UGT2B28: variants seen among roughly 807,000 people sequenced by gnomAD.
UGT2B28 encodes UDP-glucuronosyltransferase 2B28.
In UGT2B28, 45 loss-of-function variants were observed where a neutral mutation model predicts 43.6. That is an observed-to-expected ratio of 1.03 (90% CI 0.81 to 1.32). The LOEUF is 1.32. Among genes scored for constraint, UGT2B28 ranks in the 40% most tolerant of loss-of-function variants. The pLI is 0.00. For synonymous variants in UGT2B28, 204 were observed against 208.1 expected (o/e 0.98, Z 0.17); for missense variants, 649 against 625.5 (o/e 1.04, Z -0.40).
Position 69,285,093 on chromosome 4 carries a change from GATAAT to G in UGT2B28, c.871-1656_871-1652del, listed in dbSNP as rs548526875. Among the ~76,000 whole-genome samples the G allele has an allele frequency of 2.8e-3, 392 of 139,424 alleles. 87 individuals carry two copies. Among genetic ancestry groups the G allele is most frequent in the African/African-American group, 0.011 (383 of 35,652 alleles). The allele number at this position is 139,424 out of a possible 152,430, so 91.5% of individuals were successfully genotyped here. On this transcript the variant is annotated intron_variant, in intron 2 of 5. Coordinates refer to ENST00000335568, the MANE Select transcript of UGT2B28 (RefSeq NM_053039.2). ...CAATTACACCATCAGCCATAGTACA[GATAAT>G]ATGAGTTAGAAAATGATAAATATAA...
intron 3 of UGT2B28, among the ~76,000 whole-genome samples, chr4:69,289,218 GC>G (rs1160953769): frequency 2.9e-5 from 4 of 139,494 alleles, no homozygotes; most frequent in Non-Finnish European, 6.1e-5. Flanking sequence ...CAGAGTATAA[GC>G]ATTCCTTTTC....
intron 2 of UGT2B28, among the ~76,000 whole-genome samples, chr4:69,284,364 T>A (rs376596296): frequency 7.1e-6 from 1 of 140,924 alleles, no homozygotes; most frequent in Non-Finnish European, 1.5e-5. Context: ...ATGTACAAAG[T>A]AAGCCTTCTT....
chr4:69,285,004 TGAAA>T (rs946722705), intron 2 of UGT2B28, among the ~76,000 whole-genome samples: 1 of 140,030 alleles, frequency 7.1e-6, no homozygotes, highest in Non-Finnish European at 1.5e-5. Context: ...ACATCTTACA[TGAAA>T]GAATGATTAA....
At chr4:69,292,426 A>G (rs1723981127) in intron 5 of UGT2B28, among the ~76,000 whole-genome samples, 1 of 140,748 alleles carries the variant, frequency 7.1e-6, no homozygotes. Context: ...AGAAGATGGG[A>G]AATAATTGAA....
chr4:69,286,983 A>G lies in UGT2B28; in HGVS notation c.1002+100A>G, dbSNP rs1206137119. The G allele has an allele frequency of 2.0e-4, 302 of 1,474,126 alleles. 45 individuals are homozygous for G. Among genetic ancestry groups the G allele is most frequent in the Non-Finnish European group, 2.5e-4 (283 of 1,112,770 alleles). The allele number at this position is 1,474,126 out of a possible 1,614,324, so 91.3% of individuals were successfully genotyped here. On this transcript the variant is annotated intron_variant, in intron 3 of 5. Coordinates refer to ENST00000335568, the MANE Select transcript of UGT2B28 (RefSeq NM_053039.2). ...ATATTAAGGCTAGACTGAACTCTTT[A>G]CAGCCAAATACAGTCTTAAATATCT...
intron 2 of UGT2B28, among the ~76,000 whole-genome samples, chr4:69,283,044 C>A (rs1295813686): frequency 7.1e-6 from 1 of 140,322 alleles, no homozygotes; most frequent in Non-Finnish European, 1.5e-5. Context: ...TTACATTCTA[C>A]TTTGAAATAT....
intron 2 of UGT2B28, among the ~76,000 whole-genome samples, chr4:69,284,514 G>C (rs1723712458): frequency 7.1e-6 from 1 of 140,058 alleles, no homozygotes; most frequent in Non-Finnish European, 1.5e-5. Flanking sequence ...AGAGACAAAA[G>C]CTGAGGTAAA....
chr4:69,284,459 T>C (rs964369793), intron 2 of UGT2B28, among the ~76,000 whole-genome samples: 5 of 140,428 alleles, frequency 3.6e-5, no homozygotes, highest in Non-Finnish European at 6.1e-5. Context: ...ACTCAGTATC[T>C]ATGTTTAATG....
Position 69,280,745 on chromosome 4 carries a change from C to G in UGT2B28, c.245C>G (p.Thr82Ser). The stretch of plus-strand genomic sequence containing the variant: ...CTCGAAGTTTATCCTACATCTTTAA[C>G]TAAAACTGAATTTGAGAATATCATC... ...LKLEVYPTSL[T>S]KTEFENIIMQ... Residue 82 changes from threonine (T) to serine (S), a missense_variant, in exon 1 of 6, where the codon ACT becomes AGT. Physicochemically the swap from Thr to Ser is moderately conservative, Grantham distance 58. Coordinates refer to ENST00000335568, the MANE Select transcript of UGT2B28 (RefSeq NM_053039.2). 6.4e-7 allele frequency: 1 copy of G among 1,562,932 alleles called. No individual in the cohort carries two copies. Among genetic ancestry groups the G allele is most frequent in the Non-Finnish European group, 8.6e-7 (1 of 1,156,706 alleles).
Position 69,294,878 on chromosome 4 carries a change from A to C in UGT2B28, c.*69A>C. 1 of 1,410,782 alleles carries C rather than the reference A, an allele frequency of 7.1e-7. No homozygotes were observed. Among genetic ancestry groups the C allele is most frequent in the East Asian group, 2.5e-5 (1 of 40,452 alleles). The allele number at this position is 1,410,782 out of a possible 1,614,324, so 87.4% of individuals were successfully genotyped here. On this transcript the variant is annotated 3_prime_UTR_variant, in exon 6 of 6. Coordinates refer to ENST00000335568, the MANE Select transcript of UGT2B28 (RefSeq NM_053039.2). Reference sequence around the variant, plus strand: ...ACATCAGTTTATTCCAGCAAGAAAGAAAAGATTGTTATGCAAGATTTCTTT... The same window carrying C: ...ACATCAGTTTATTCCAGCAAGAAAGCAAAGATTGTTATGCAAGATTTCTTT...
chr4:69,290,681 C>G lies in UGT2B28; in HGVS notation c.1180C>G (p.Pro394Ala). 1 of 1,559,320 alleles carries G rather than the reference C, an allele frequency of 6.4e-7. No individual in the cohort carries two copies. Among genetic ancestry groups the G allele is most frequent in the Non-Finnish European group, 8.7e-7 (1 of 1,155,160 alleles). Residue 394 changes from proline to alanine, a missense_variant, in exon 5 of 6, where the codon CCA becomes GCA. Physicochemically the swap from Pro to Ala is conservative, Grantham distance 27. Transcript: ENST00000335568. The part of the protein sequence containing the change: ...IYHGIPMVGI[P>A]LFWDQPDNIA... ...CCATGGGATCCCTATGGTAGGCATT[C>G]CATTGTTTTGGGATCAACCTGATAA...
At chr4:69,289,500 T>C (rs1317232666) in intron 3 of UGT2B28, among the ~76,000 whole-genome samples, 165 bp from the exon 4 acceptor site, 3 of 141,542 alleles carry the variant, frequency 2.1e-5, no homozygotes, top group East Asian at 4.0e-4. Context: ...TCTAAATCAT[T>C]ATAAAAGTTA....
rs568366881 is a variant in UGT2B28 at position 69,284,942 on chromosome 4, C to A, written c.871-1810C>A. Among the ~76,000 whole-genome samples the A allele has an allele frequency of 2.9e-5, 4 of 139,328 alleles. 1 individual carries two copies. Among genetic ancestry groups the A allele is most frequent in the Middle Eastern group, 4.1e-3 (1 of 246 alleles). 91.4% of individuals were successfully genotyped at this position (139,328 alleles called of 152,430 possible). ...GAAATCATAAAAAAATCAAGTTGTA[C>A]CTATTAAACATTATGGAAAATATTC... On this transcript the variant is annotated intron_variant, in intron 2 of 5. Coordinates refer to ENST00000335568, the MANE Select transcript of UGT2B28 (RefSeq NM_053039.2).
At chr4:69,283,950 C>CGGG in intron 2 of UGT2B28, among the ~76,000 whole-genome samples, 1 of 141,138 alleles carries the variant, frequency 7.1e-6, no homozygotes, top group Non-Finnish European at 1.5e-5. Flanking sequence ...GCATAAAACA[C>CGGG]TTCCTCAACA....
chr4:69,282,896 T>C (rs2109683614), intron 2 of UGT2B28, among the ~76,000 whole-genome samples: 1 of 140,018 alleles, frequency 7.1e-6, no homozygotes, highest in East Asian at 2.0e-4. Context: ...ATAGGGTTGA[T>C]TAAAGTCTTG....
In UGT2B28 at chr4:69,294,720, G is replaced by T. The variant is rs1217678167; in HGVS notation, c.1501G>T (p.Val501Leu). The T allele has an allele frequency of 6.4e-7, 1 of 1,559,756 alleles. No homozygotes were observed. The change falls in exon 6 of 6, where the codon GTG becomes TTG. Residue 501 changes from valine to leucine, a missense_variant. Physicochemically the swap from Val to Leu is conservative, Grantham distance 32 (BLOSUM62 1). Transcript: ENST00000335568. Reference protein sequence around the residue: ...LDVIGFLLACVATVIFVVTKF... With the variant: ...LDVIGFLLACLATVIFVVTKF... ...TGTGATTGGGTTTCTGCTGGCCTGT[G>T]TGGCAACTGTGATATTTGTCGTCAC...
chr4:69,290,811 C>T lies in UGT2B28; in HGVS notation c.1310C>T (p.Ser437Leu), dbSNP rs748003556. The change falls in exon 5 of 6, where the codon TCA (serine) becomes TTA (leucine). Residue 437 changes from serine (S) to leucine (L), a missense_variant and splice_region_variant. Physicochemically the swap from Ser to Leu is moderately radical, Grantham distance 145. Transcript: ENST00000335568. ...CTGAAGACAGTAATTAATGATCCTT[C>T]GTGAGTAGAACAGTATTTTTCACTA... is the stretch of plus-strand genomic sequence containing the variant. The part of the protein sequence containing the change: ...NALKTVINDP[S>L]YKENVMKLSI... The T allele has an allele frequency of 6.4e-6, 10 of 1,558,160 alleles. 2 individuals are homozygous for T. The highest frequency in any genetic ancestry group is 3.6e-5 in the Admixed American group (2 of 56,268).
At position 69,288,677 on chromosome 4, in the gene UGT2B28, T is replaced by C. The variant is rs1216380358; in HGVS notation, c.1003-988T>C. 1.4e-5 allele frequency among the ~76,000 whole-genome samples: 2 copies of C among 139,810 alleles called. 1 individual carries two copies. The highest frequency in any genetic ancestry group is 5.6e-5 in the African/African-American group (2 of 35,704). The allele number at this position is 139,810 out of a possible 152,430, so 91.7% of individuals were successfully genotyped here. On this transcript the variant is annotated intron_variant, in intron 3 of 5. Coordinates refer to ENST00000335568, the MANE Select transcript of UGT2B28 (RefSeq NM_053039.2). ...GTGTCATGGGGTTTTGTTGTACTAA[T>C]TGTTTCATCACCCAGGTATTAAGAC... is the stretch of plus-strand genomic sequence containing the variant.
rs750610811 is a variant in UGT2B28, at chr4:69,286,738, A to AT, written c.871-6dup. On this transcript the variant is annotated splice_polypyrimidine_tract_variant and intron_variant, in intron 2 of 5. Transcript: ENST00000335568. ...GGTGATACTCTTTTGTGATTAAACA[A>AT]TTTTTTTTCACAGGAAATGGAGGAA... 4.0e-4 allele frequency: 619 copies of AT among 1,550,944 alleles called. 76 individuals carry two copies. Among genetic ancestry groups the AT allele is most frequent in the Middle Eastern group, 2.7e-3 (12 of 4,456 alleles).
Sources: gnomAD v4.1 joint callset for allele counts (sites outside exome capture counted in the v4.1 genomes callset) on GRCh38, gnomAD v4.1.1 for gene constraint, MANE v1.5 for transcripts, NCBI Gene and HGNC (gene_info 2026-07-23, HGNC 2026-07-21) for gene names.